VTI1A: variants seen among roughly 807,000 people sequenced by gnomAD.
VTI1A encodes vesicle transport through interaction with t-SNAREs 1A, also known as vesicle transport through interaction with t-SNAREs homolog 1A.
VTI1A carries 22 observed loss-of-function variants against 34.9 expected under a neutral mutation model. That is an observed-to-expected ratio of 0.63 (90% CI 0.45 to 0.90). The LOEUF (loss-of-function observed/expected upper bound fraction) is 0.90, where lower values mean the gene tolerates loss of function less well. Ranked by LOEUF, VTI1A falls within the 40% of genes least tolerant of loss-of-function variation. The pLI, the probability that VTI1A is intolerant of heterozygous loss-of-function variation, is 0.00. For missense variants in VTI1A, 268 were observed against 275.6 expected (o/e 0.97, Z 0.20); for synonymous variants, 87 against 97.3 (o/e 0.89, Z 0.62).
chr10:112,544,925 G>A (rs1057081660), intron 5 of VTI1A, among the ~76,000 whole-genome samples: 1 of 152,186 alleles, frequency 6.6e-6, no homozygotes, highest in Non-Finnish European at 1.5e-5. Context: ...GGACATGGAA[G>A]GGGTCTGGAT....
At chr10:112,549,095 C>T (rs955969983) in intron 5 of VTI1A, among the ~76,000 whole-genome samples, 5 of 152,132 alleles carry the variant, frequency 3.3e-5, no homozygotes, top group Admixed American at 6.5e-5. Flanking sequence ...CCTACCACCC[C>T]GCCTCCCATT....
chr10:112,473,574 G>T (rs1200635244), intron 3 of VTI1A, among the ~76,000 whole-genome samples: 1 of 152,096 alleles, frequency 6.6e-6, no homozygotes, highest in Non-Finnish European at 1.5e-5. Context: ...TTGTGCTGCA[G>T]TGAACATATT....
chr10:112,754,417 C>G (rs1387387373), intron 7 of VTI1A, among the ~76,000 whole-genome samples: 1 of 152,160 alleles, frequency 6.6e-6, no homozygotes, highest in Non-Finnish European at 1.5e-5. Flanking sequence ...TCAGTGCTCC[C>G]AGGAAGTTTC....
intron 5 of VTI1A, among the ~76,000 whole-genome samples, chr10:112,650,716 G>C (rs535862233): frequency 6.6e-6 from 1 of 152,174 alleles, no homozygotes; most frequent in African/African-American, 2.4e-5. Context: ...GGAATTTTCA[G>C]CGCTATTATA....
At chr10:112,665,686 G>A (rs1434033862) in intron 5 of VTI1A, among the ~76,000 whole-genome samples, 1 of 152,138 alleles carries the variant, frequency 6.6e-6, no homozygotes, top group Non-Finnish European at 1.5e-5. Flanking sequence ...TCCCCTCGGC[G>A]AACCTGATAG....
At chr10:112,565,778 A>G (rs1851887008) in intron 5 of VTI1A, among the ~76,000 whole-genome samples, 1 of 152,216 alleles carries the variant, frequency 6.6e-6, no homozygotes, top group East Asian at 1.9e-4. Flanking sequence ...ACTATAATTA[A>G]TATAACAAAA....
At chr10:112,506,304 G>T (rs756395840) in intron 3 of VTI1A, among the ~76,000 whole-genome samples, 11 of 152,150 alleles carry the variant, frequency 7.2e-5, no homozygotes, top group Non-Finnish European at 1.5e-4. Context: ...CGTATATGTG[G>T]TTCATCATTG....
At chr10:112,486,659 G>GTATATTCTTAAGAATATACAGTTT (rs1848642736) in intron 3 of VTI1A, among the ~76,000 whole-genome samples, 1 of 151,330 alleles carries the variant, frequency 6.6e-6, no homozygotes, top group African/African-American at 2.4e-5. Flanking sequence ...ATATACAGTT[G>GTATATTCTTAAGAATATACAGTTT]TATATTCTTA....
At chr10:112,497,203 A>G (rs1225478996) in intron 3 of VTI1A, among the ~76,000 whole-genome samples, 2 of 152,036 alleles carry the variant, frequency 1.3e-5, no homozygotes, top group Admixed American at 6.6e-5. Context: ...CTGTAATCCC[A>G]GGTACTCGGG....
chr10:112,527,706 C>CATAATA (rs57108083), intron 4 of VTI1A, among the ~76,000 whole-genome samples: 2,238 of 147,084 alleles, frequency 0.015, 35 homozygotes, highest in East Asian at 0.055. Context: ...AAATAATAGT[C>CATAATA]ATAATAATAA....
At chr10:112,534,286 T>A (rs538073848) in intron 4 of VTI1A, among the ~76,000 whole-genome samples, 16 of 152,310 alleles carry the variant, frequency 1.1e-4, no homozygotes, top group East Asian at 3.9e-4. Flanking sequence ...ATTCTATTTT[T>A]AAAAAATTAA....
intron 7 of VTI1A, among the ~76,000 whole-genome samples, chr10:112,686,446 G>A (rs1335788892): frequency 6.6e-6 from 1 of 151,614 alleles, no homozygotes; most frequent in Non-Finnish European, 1.5e-5. Context: ...CCTAGATAAG[G>A]GGGCCATACA....
chr10:112,737,669 CTCCA>C (rs1462942724), intron 7 of VTI1A: 1 of 1,054,244 alleles, frequency 9.5e-7, no homozygotes, highest in African/African-American at 1.7e-5. Context: ...AACAAGAGCA[CTCCA>C]TCCATGTGCG....
intron 7 of VTI1A, among the ~76,000 whole-genome samples, chr10:112,695,951 G>T (rs1223330129): frequency 6.6e-6 from 1 of 152,140 alleles, no homozygotes; most frequent in Non-Finnish European, 1.5e-5. Context: ...GATTTGCTAA[G>T]CACCTTATTA....
At chr10:112,854,623 T>C in the VTI1A span, among the ~76,000 whole-genome samples, 1 of 152,080 alleles carries the variant, frequency 6.6e-6, no homozygotes, top group African/African-American at 2.4e-5. Context: ...TTCCCTCTTA[T>C]GAAAGATGGA....
chr10:112,477,681 G>A (rs569245793), intron 3 of VTI1A, among the ~76,000 whole-genome samples: 2 of 152,290 alleles, frequency 1.3e-5, no homozygotes, highest in East Asian at 3.9e-4. Context: ...GGTGTGAAAT[G>A]TCTGATTATA....
chr10:112,477,630 A>G (rs1318206034), intron 3 of VTI1A, among the ~76,000 whole-genome samples: 1 of 152,176 alleles, frequency 6.6e-6, no homozygotes, highest in Non-Finnish European at 1.5e-5. Flanking sequence ...AGAGTGTTAG[A>G]TTTTATGCTT....
intron 3 of VTI1A, among the ~76,000 whole-genome samples, chr10:112,480,983 C>A (rs967818077): frequency 1.3e-5 from 2 of 152,028 alleles, no homozygotes; most frequent in Non-Finnish European, 2.9e-5. Context: ...CTTGAGAAAG[C>A]CTTATTGGTT....
intron 5 of VTI1A, among the ~76,000 whole-genome samples, chr10:112,654,707 T>A (rs1399145936): frequency 6.6e-6 from 1 of 152,076 alleles, no homozygotes; most frequent in Non-Finnish European, 1.5e-5. Flanking sequence ...GGGCTCGATC[T>A]CCTGACCTGG....
Sources: gnomAD v4.1 joint callset for allele counts (sites outside exome capture counted in the v4.1 genomes callset) on GRCh38, gnomAD v4.1.1 for gene constraint, MANE v1.5 for transcripts, NCBI Gene and HGNC (gene_info 2026-07-23, HGNC 2026-07-21) for gene names.